The following ST6GAL2 variants were observed in gnomAD, a reference collection of about 807,000 sequenced individuals.
ST6GAL2 encodes beta-galactoside alpha-2,6-sialyltransferase 2.
Under a neutral mutation model 37.5 loss-of-function variants are expected in ST6GAL2, and 24 were observed. That is an observed-to-expected ratio of 0.64 (90% CI 0.46 to 0.90). ST6GAL2 has a LOEUF of 0.90. ST6GAL2 is among the 40% of genes least tolerant of loss of function. ST6GAL2 has a pLI of 0.00. For missense variants in ST6GAL2, 715 were observed against 712.7 expected (o/e 1.00, Z -0.04); for synonymous variants, 306 against 295.1 (o/e 1.04, Z -0.38).
At position 106,843,680 on chromosome 2, in the gene ST6GAL2, C is replaced by A; in HGVS notation, c.298G>T (p.Ala100Ser). ...TGTTCAAACCCATCTTGGGACTGGG[C>A]CCATTTCTGCAGGTCTCCAGGCCCC... ...HAGPGDLQKW[A>S]QSQDGFEHKE... Residue 100 changes from alanine to serine, a missense_variant, in exon 2 of 6, where the codon GCC (alanine) becomes TCC (serine). By Grantham distance (99) the Ala-to-Ser change is moderately conservative. Transcript: ENST00000409382. 6.2e-7 allele frequency: 1 copy of A among 1,613,306 alleles called. No individual in the cohort carries two copies. The highest frequency in any genetic ancestry group is 8.5e-7 in the Non-Finnish European group (1 of 1,180,018).
At chr2:106,874,141 C>G (rs972242119) in intron 1 of ST6GAL2, among the ~76,000 whole-genome samples, 4 of 152,168 alleles carry the variant, frequency 2.6e-5, no homozygotes, top group African/African-American at 9.7e-5. Context: ...AAGGAACTTA[C>G]AGTTTAGCAG....
At position 106,801,921 on chromosome 2, in the gene ST6GAL2, C is replaced by G. The variant is rs1393713739; in HGVS notation, c.*4757G>C. On this transcript the variant is annotated 3_prime_UTR_variant, in exon 6 of 6. Coordinates refer to ENST00000409382, the MANE Select transcript of ST6GAL2 (RefSeq NM_001142351.2). ...GATTTTAACACCACCAATGCAATTT[C>G]TTTGTTTCCAATCTACCTAGCAAGA... The G allele has an allele frequency of 6.6e-6, 1 of 152,098 alleles. No homozygotes were observed. Among genetic ancestry groups the G allele is most frequent in the Non-Finnish European group, 1.5e-5 (1 of 68,008 alleles). 9.4% of individuals were successfully genotyped at this position (152,098 alleles called of 1,614,324 possible).
At chr2:106,826,201 G>C (rs1023777260) in intron 5 of ST6GAL2, among the ~76,000 whole-genome samples, 2 of 152,146 alleles carry the variant, frequency 1.3e-5, no homozygotes, top group Non-Finnish European at 2.9e-5. Flanking sequence ...AAATACCTGA[G>C]ACTGCGTAAA....
chr2:106,852,787 AC>A (rs1302856915), intron 1 of ST6GAL2, among the ~76,000 whole-genome samples: 1 of 152,176 alleles, frequency 6.6e-6, no homozygotes, highest in Non-Finnish European at 1.5e-5. Context: ...TGAGTCATTA[AC>A]AGCAGTCGTG....
intron 2 of ST6GAL2, among the ~76,000 whole-genome samples, chr2:106,838,143 G>A (rs1054025042): frequency 2.6e-5 from 4 of 152,206 alleles, no homozygotes; most frequent in African/African-American, 9.6e-5. Flanking sequence ...AGAAAAAAAG[G>A]AATAGGTCAG....
At chr2:106,867,140 C>T (rs1395440591) in intron 1 of ST6GAL2, among the ~76,000 whole-genome samples, 2 of 152,080 alleles carry the variant, frequency 1.3e-5, no homozygotes, top group African/African-American at 2.4e-5. Context: ...GCACTTCTTT[C>T]CTGTTTTTTG....
intron 1 of ST6GAL2, among the ~76,000 whole-genome samples, chr2:106,869,156 CCA>C (rs1678157248): frequency 6.6e-6 from 1 of 151,968 alleles, no homozygotes. Context: ...ACAGAATATT[CCA>C]CAAGTACAAG....
rs187395604 is a variant in ST6GAL2, at chr2:106,818,513, C to T, written c.1318+11553G>A. Among the ~76,000 whole-genome samples the T allele has an allele frequency of 7.7e-4, 117 of 152,300 alleles. 1 individual carries two copies. The highest frequency in any genetic ancestry group is 2.8e-3 in the African/African-American group (115 of 41,566). Reference sequence around the variant, plus strand: ...CTGCAAGGGCCACAGTGTTACTGGGCTTGGGGTGCCCCTTAATGCAGATAC... The same window carrying T: ...CTGCAAGGGCCACAGTGTTACTGGGTTTGGGGTGCCCCTTAATGCAGATAC... On this transcript the variant is annotated intron_variant, in intron 5 of 5. Coordinates refer to ENST00000409382, the MANE Select transcript of ST6GAL2 (RefSeq NM_001142351.2).
intron 2 of ST6GAL2, among the ~76,000 whole-genome samples, chr2:106,835,171 GGCCATCTTTAGCTTTA>G (rs1676585103): frequency 6.6e-6 from 1 of 152,162 alleles, no homozygotes; most frequent in Non-Finnish European, 1.5e-5. Flanking sequence ...ATTTTCTAAG[GGCCATCTTTAGCTTTA>G]AATATCTCAT....
In ST6GAL2 at chr2:106,802,363, A is replaced by T. The variant is rs1251461739; in HGVS notation, c.*4315T>A. On this transcript the variant is annotated 3_prime_UTR_variant, in exon 6 of 6. Coordinates refer to ENST00000409382, the MANE Select transcript of ST6GAL2 (RefSeq NM_001142351.2). Reference sequence around the variant, plus strand: ...ATTATATAACTATATCTACATGTACACTTTTCATACTAAGAACTAGATCAA... The same window carrying T: ...ATTATATAACTATATCTACATGTACTCTTTTCATACTAAGAACTAGATCAA... The T allele has an allele frequency of 1.3e-5, 2 of 152,158 alleles. No individual in the cohort carries two copies. The highest frequency in any genetic ancestry group is 2.9e-5 in the Non-Finnish European group (2 of 68,020). The allele number at this position is 152,158 out of a possible 1,614,324, so 9.4% of individuals were successfully genotyped here. A position where few individuals can be genotyped will look rare whatever the true frequency, so the allele number is the denominator to read the frequency against.
At chr2:106,865,133 T>A (rs1201742498) in intron 1 of ST6GAL2, among the ~76,000 whole-genome samples, 1 of 152,182 alleles carries the variant, frequency 6.6e-6, no homozygotes, top group Admixed American at 6.5e-5. Context: ...GCAGATAATA[T>A]GAAATAAATT....
intron 2 of ST6GAL2, among the ~76,000 whole-genome samples, chr2:106,835,314 A>C (rs1021255798): frequency 6.6e-6 from 1 of 152,184 alleles, no homozygotes; most frequent in African/African-American, 2.4e-5. Context: ...AGCCCGCACA[A>C]GTGCCTAAGG....
chr2:106,886,070 C>T (rs1678976083), intron 1 of ST6GAL2, 23 bp downstream of exon 1: 3 of 152,516 alleles, frequency 2.0e-5, no homozygotes, highest in Admixed American at 2.0e-4. Flanking sequence ...CGTCGCCAAC[C>T]CTTACCCAGT....
intron 5 of ST6GAL2, 122 bp from the exon 6 acceptor site, chr2:106,807,071 G>A (rs747641232): frequency 5.0e-6 from 4 of 798,958 alleles, no homozygotes; most frequent in Non-Finnish European, 7.8e-6. Flanking sequence ...CTTTTTTGTT[G>A]TTGTTGCATT....
intron 1 of ST6GAL2, among the ~76,000 whole-genome samples, chr2:106,863,634 A>G (rs1189897496): frequency 6.6e-6 from 1 of 152,136 alleles, no homozygotes; most frequent in Non-Finnish European, 1.5e-5. Context: ...ACACTGAGAA[A>G]TCCGGGTCCT....
At chr2:106,813,060 G>A in intron 5 of ST6GAL2, 2 of 1,229,742 alleles carry the variant, frequency 1.6e-6, no homozygotes, top group Non-Finnish European at 2.0e-6. Context: ...TGGGTATGGG[G>A]CCAGCTGTTT....
chr2:106,870,420 A>G (rs1389342292), intron 1 of ST6GAL2, among the ~76,000 whole-genome samples: 1 of 152,212 alleles, frequency 6.6e-6, no homozygotes, highest in East Asian at 1.9e-4. Context: ...TGTTAGATCC[A>G]TATTATTTAT....
intron 1 of ST6GAL2, among the ~76,000 whole-genome samples, chr2:106,864,737 T>C (rs1363561534): frequency 6.6e-6 from 1 of 152,244 alleles, no homozygotes; most frequent in Non-Finnish European, 1.5e-5. Flanking sequence ...AGGCAATTAA[T>C]GTATCGCCAG....
rs140532686 is a variant in ST6GAL2 at position 106,856,561 on chromosome 2, G to A, written c.-57-12527C>T. On this transcript the variant is annotated intron_variant, in intron 1 of 5. Coordinates refer to ENST00000409382, the MANE Select transcript of ST6GAL2 (RefSeq NM_001142351.2). ...TTTTACCCTCCTCTGTTTGACATTC[G>A]TGGCACCAACTATGGTGTTGAGCAG... is the stretch of plus-strand genomic sequence containing the variant. 2.2e-4 allele frequency among the ~76,000 whole-genome samples: 33 copies of A among 152,288 alleles called. No individual in the cohort carries two copies. In the East Asian group the frequency reaches 2.3e-3, roughly 11 times the overall value.
Sources: allele counts gnomAD v4.1 joint callset (sites outside exome capture counted in the v4.1 genomes callset), GRCh38; gene constraint gnomAD v4.1.1; transcripts MANE v1.5; gene names NCBI Gene and HGNC (gene_info 2026-07-23, HGNC 2026-07-21).